SREK1: variants seen among roughly 807,000 people sequenced by gnomAD.
SREK1 encodes splicing regulatory glutamine/lysine-rich protein 1.
A neutral mutation model predicts 66.5 loss-of-function variants in SREK1; 13 were observed. The observed-to-expected ratio is 0.20, with a 90% CI of 0.13 to 0.31. The LOEUF is 0.31. SREK1 is among the 10% of genes least tolerant of loss of function. SREK1 has a pLI of 1.00. For synonymous variants in SREK1, 265 were observed against 263.5 expected, an observed-to-expected ratio of 1.01 and a Z score of -0.05; for missense variants, 607 against 769.6, an observed-to-expected ratio of 0.79 and a Z score of 2.50.
chr5:66,156,974 T>C (rs1744338738), intron 2 of SREK1: 1 of 985,262 alleles, frequency 1.0e-6, no homozygotes, highest in Non-Finnish European at 1.2e-6. Context: ...TAAATGCTTA[T>C]TTGTTTTATA....
In SREK1 at chr5:66,170,663, G is replaced by C. The variant is rs758501763; in HGVS notation, c.1200G>C (p.Glu400Asp). 6.2e-7 allele frequency: 1 copy of C among 1,613,360 alleles called. No individual in the cohort carries two copies. Among genetic ancestry groups the C allele is most frequent in the South Asian group, 1.1e-5 (1 of 90,970 alleles). Reference sequence around the variant, plus strand: ...AGAAAGACAGGGAAAAGGAGAGAGAGAGGGAAAAGGAACGTGAAAAAGAAA... The same window carrying C: ...AGAAAGACAGGGAAAAGGAGAGAGACAGGGAAAAGGAACGTGAAAAAGAAA... ...VKEKDREKER[E>D]REKEREKEKE... Residue 400 changes from glutamate (E) to aspartate (D), a missense_variant, in exon 9 of 12, where the codon GAG (glutamate) becomes GAC (aspartate). Coordinates refer to ENST00000334121, the MANE Select transcript of SREK1 (RefSeq NM_001077199.3).
intron 9 of SREK1, among the ~76,000 whole-genome samples, chr5:66,172,822 G>GA (rs1009252130): frequency 1.5e-5 from 2 of 135,370 alleles, no homozygotes; most frequent in African/African-American, 5.9e-5. Flanking sequence ...CAATTTCTTT[G>GA]AATTTTTTTT....
At chr5:66,172,482 C>A (rs891892139) in intron 9 of SREK1, among the ~76,000 whole-genome samples, 8 of 152,024 alleles carry the variant, frequency 5.3e-5, no homozygotes, top group Non-Finnish European at 1.2e-4. Flanking sequence ...TGCAACCTCC[C>A]CCTCCTCGGT....
chr5:66,172,887 G>A (rs1309927695), intron 9 of SREK1, among the ~76,000 whole-genome samples: 1 of 139,482 alleles, frequency 7.2e-6, no homozygotes, highest in Admixed American at 7.6e-5. Context: ...CTAGAATGCA[G>A]TGGCACAATA....
chr5:66,160,097 T>C (rs1384862553), intron 3 of SREK1, among the ~76,000 whole-genome samples: 1 of 151,488 alleles, frequency 6.6e-6, no homozygotes, highest in Non-Finnish European at 1.5e-5. Flanking sequence ...GCCACTGCAC[T>C]CCAGCCTGGG....
chr5:66,174,136 T>C (rs1383239730), intron 9 of SREK1, among the ~76,000 whole-genome samples: 3 of 148,294 alleles, frequency 2.0e-5, no homozygotes, highest in Non-Finnish European at 4.4e-5. Flanking sequence ...AGATAGATCA[T>C]TGGGTATGTC....
In SREK1 at chr5:66,144,329, C is replaced by CGTTGGGGA. The variant is rs988821457; in HGVS notation, c.-47_-46insTTGGGGAG. 1.6e-5 allele frequency: 23 copies of CGTTGGGGA among 1,410,618 alleles called. No individual in the cohort carries two copies. The African/African-American group carries it at 2.5e-4, about 15-fold the overall frequency. The allele number at this position is 1,410,618 out of a possible 1,614,324, so 87.4% of individuals were successfully genotyped here. On this transcript the variant is annotated 5_prime_UTR_variant, in exon 1 of 12. Coordinates refer to ENST00000334121, the MANE Select transcript of SREK1 (RefSeq NM_001077199.3). ...TCCGCTTTCCCGGCTCCGTCGCTGA[C>CGTTGGGGA]GCGTCGTAGACGTTGGGGAGCGGGA...
chr5:66,173,621 TTCCTC>T (rs1448479275), intron 9 of SREK1, among the ~76,000 whole-genome samples: 1 of 152,206 alleles, frequency 6.6e-6, no homozygotes, highest in African/African-American at 2.4e-5. Flanking sequence ...TATGGAGACT[TTCCTC>T]TCATTATCGT....
At chr5:66,166,229 G>C (rs1389519816) in intron 7 of SREK1, 1 of 152,166 alleles carries the variant, frequency 6.6e-6, no homozygotes, top group African/African-American at 2.4e-5. Context: ...GGAAATAATA[G>C]AATTGGGCTG....
rs1746449725 is a variant in SREK1, at chr5:66,181,117, T to G, written c.*2249T>G. The G allele has an allele frequency of 6.6e-6, 1 of 152,260 alleles. No homozygotes were observed. Among genetic ancestry groups the G allele is most frequent in the African/African-American group, 2.4e-5 (1 of 41,476 alleles). The allele number at this position is 152,260 out of a possible 1,614,324, so 9.4% of individuals were successfully genotyped here. A position where few individuals can be genotyped will look rare whatever the true frequency, so the allele number is the denominator to read the frequency against. On this transcript the variant is annotated 3_prime_UTR_variant, in exon 12 of 12. Transcript: ENST00000334121. The stretch of plus-strand genomic sequence containing the variant: ...AATTATTTTCTCTGCTGATATTTAT[T>G]AAGCTTTAAAATAATCGTACTATAA...
chr5:66,170,990 A>G (rs1215316218), intron 9 of SREK1, 43 bp downstream of exon 9: 1 of 1,550,442 alleles, frequency 6.4e-7, no homozygotes, highest in Non-Finnish European at 8.7e-7. Flanking sequence ...TTTGCTGATG[A>G]CAATTGGAAA....
At chr5:66,174,044 GT>G (rs1435094312) in intron 9 of SREK1, among the ~76,000 whole-genome samples, 1 of 151,872 alleles carries the variant, frequency 6.6e-6, no homozygotes, top group East Asian at 1.9e-4. Flanking sequence ...CTTAGAATCA[GT>G]TTCCTGAAAT....
chr5:66,159,432 T>TC, intron 3 of SREK1, 98 bp downstream of exon 3: 3 of 662,362 alleles, frequency 4.5e-6, no homozygotes, highest in Non-Finnish European at 6.3e-6. Context: ...ATCTTCTTCT[T>TC]TTTTTTTTTT....
chr5:66,148,259 C>T (rs1347848721), intron 1 of SREK1, among the ~76,000 whole-genome samples: 1 of 151,962 alleles, frequency 6.6e-6, no homozygotes, highest in Non-Finnish European at 1.5e-5. Context: ...CTGTATGCTT[C>T]GCTCATGTTT....
chr5:66,146,250 A>G (rs1454578385), intron 1 of SREK1, among the ~76,000 whole-genome samples: 3 of 152,172 alleles, frequency 2.0e-5, no homozygotes, highest in East Asian at 3.8e-4. Flanking sequence ...AATACTTTGT[A>G]CATGAACCTT....
chr5:66,172,972 G>A (rs1356869439), intron 9 of SREK1, among the ~76,000 whole-genome samples: 1 of 151,672 alleles, frequency 6.6e-6, no homozygotes, highest in African/African-American at 2.4e-5. Flanking sequence ...TGGAATTACA[G>A]GCGTGTGCCA....
intron 1 of SREK1, among the ~76,000 whole-genome samples, chr5:66,148,634 T>G (rs887454288): frequency 6.6e-5 from 10 of 152,196 alleles, no homozygotes; most frequent in South Asian, 2.1e-4. Context: ...TATTTATTTA[T>G]TTAGTTAAGT....
rs971545715 is a variant in SREK1 at position 66,179,024 on chromosome 5, T to C, written c.*156T>C. ...AGATGACTTTGTGGCCATCTTGTTA[T>C]TGAGTAAGAAAATAAAGCATGGACA... is the stretch of plus-strand genomic sequence containing the variant. On this transcript the variant is annotated 3_prime_UTR_variant, in exon 12 of 12. Transcript: ENST00000334121. 4 of 738,282 alleles carry C rather than the reference T, an allele frequency of 5.4e-6. No homozygotes were observed. The highest frequency in any genetic ancestry group is 7.2e-5 in the Admixed American group (2 of 27,670). The allele number at this position is 738,282 out of a possible 1,614,324, so 45.7% of individuals were successfully genotyped here.
rs1162997947 is a variant in SREK1 at position 66,157,670 on chromosome 5, A to G, written c.296-1549A>G. On this transcript the variant is annotated intron_variant, in intron 2 of 11. Coordinates refer to ENST00000334121, the MANE Select transcript of SREK1 (RefSeq NM_001077199.3). ...AGTAAGGCCTACCTGCCTTTTGTTG[A>G]TGCATGTTAAGAAATCTGTTCTCCA... 7 of 968,996 alleles carry G rather than the reference A, an allele frequency of 7.2e-6. No individual in the cohort carries two copies. In the African/African-American group the frequency reaches 1.2e-4, roughly 17 times the overall value. 60.0% of individuals were successfully genotyped at this position (968,996 alleles called of 1,614,324 possible).
Sources: allele counts gnomAD v4.1 joint callset (sites outside exome capture counted in the v4.1 genomes callset), GRCh38; gene constraint gnomAD v4.1.1; transcripts MANE v1.5; gene names NCBI Gene and HGNC (gene_info 2026-07-23, HGNC 2026-07-21).